The following LCN12 variants were observed in gnomAD, a reference collection of about 807,000 sequenced individuals.
LCN12 encodes the protein epididymal-specific lipocalin-12.
A neutral mutation model predicts 23.7 loss-of-function variants in LCN12; 15 were observed. That is an observed-to-expected ratio of 0.63 (90% confidence interval 0.42 to 0.97). The LOEUF is 0.97. LCN12 is among the 50% of genes least tolerant of loss of function. The pLI is 0.00. For missense variants in LCN12, 219 were observed against 249.6 expected (o/e 0.88, Z 0.83); for synonymous variants, 116 against 111.5 (o/e 1.04, Z -0.25).
In LCN12 at chr9:136,952,327, G is replaced by A. The variant is rs749414920; in HGVS notation, c.-1G>A. 6.9e-6 allele frequency: 11 copies of A among 1,605,706 alleles called. No homozygotes were observed. The South Asian group carries it at 1.1e-4, about 16-fold the overall frequency. On this transcript the variant is annotated 5_prime_UTR_variant, in exon 1 of 6. Transcript: ENST00000371633. Reference sequence around the variant, plus strand: ...TCCCTGTGGGCCCAGCAGCTGCCAGGATGAGGCTGCTGTGTGGCCTGTGGC... The same window carrying A: ...TCCCTGTGGGCCCAGCAGCTGCCAGAATGAGGCTGCTGTGTGGCCTGTGGC...
chr9:136,954,198 T>C lies in LCN12; in HGVS notation c.493T>C (p.Cys165Arg), dbSNP rs1297621938. 5.1e-6 allele frequency: 8 copies of C among 1,576,394 alleles called. No homozygotes were observed. The highest frequency in any genetic ancestry group is 6.0e-6 in the Non-Finnish European group (7 of 1,160,524). ...TCCCGGGACGCTGGACCAGTTCATC[T>C]GCCTGGGCAGAGCTCAGGGCCTCTC... ...LPPGTLDQFI[C>R]LGRAQGLSDD... Residue 165 changes from cysteine to arginine, a missense_variant, in exon 5 of 6, where the codon TGC becomes CGC. By Grantham distance (180) the Cys-to-Arg change is radical. Transcript: ENST00000371633.
chr9:136,954,572 C>T (rs1564448813), intron 5 of LCN12: 3 of 503,138 alleles, frequency 6.0e-6, no homozygotes, highest in South Asian at 1.8e-5. Context: ...TGTCCCGGCC[C>T]ACCTCCTCCC....
Position 136,952,643 on chromosome 9 carries a change from C to T in LCN12, c.114+202C>T, listed in dbSNP as rs528062947. ...CACCCATTCCCTGCCGTCAGCCCAG[C>T]CCATCGCTCCCTCTGTGCGTGAGGG... On this transcript the variant is annotated intron_variant, in intron 1 of 5. Coordinates refer to ENST00000371633, the MANE Select transcript of LCN12 (RefSeq NM_178536.4). The T allele has an allele frequency of 2.2e-3, 1,351 of 626,828 alleles. 3 individuals carry two copies. The highest frequency in any genetic ancestry group is 3.1e-3 in the Non-Finnish European group (1,122 of 360,960). The allele number at this position is 626,828 out of a possible 1,614,324, so 38.8% of individuals were successfully genotyped here.
At chr9:136,955,024 G>A (rs967915916) in intron 5 of LCN12, 49 of 1,377,174 alleles carry the variant, frequency 3.6e-5, no homozygotes, top group African/African-American at 8.8e-5. Flanking sequence ...CTGTCTACCC[G>A]TGCACAGGCA....
rs1188974405 is a variant in LCN12 at position 136,954,992 on chromosome 9, G to A, written c.551-379G>A. On this transcript the variant is annotated intron_variant, in intron 5 of 5. Transcript: ENST00000371633. ...CATGCGAACACCCACTTACACACAC[G>A]CCACTCACACTGGCACACATGCTGT... 3.0e-5 allele frequency: 40 copies of A among 1,332,838 alleles called. No individual in the cohort carries two copies. The East Asian group carries it at 5.6e-4, about 19-fold the overall frequency. The allele number at this position is 1,332,838 out of a possible 1,614,324, so 82.6% of individuals were successfully genotyped here. A position where few individuals can be genotyped will look rare whatever the true frequency, so the allele number is the denominator to read the frequency against.
upstream of LCN12, among the ~76,000 whole-genome samples, chr9:136,952,096 C>G (rs1851166284): frequency 6.7e-6 from 1 of 148,176 alleles, no homozygotes; most frequent in East Asian, 1.9e-4. Flanking sequence ...CCCTCCTACC[C>G]CACCTGGCTG....
At chr9:136,956,509 G>T (rs1851319672), downstream of LCN12, among the ~76,000 whole-genome samples, 1 of 152,228 alleles carries the variant, frequency 6.6e-6, no homozygotes, top group Non-Finnish European at 1.5e-5. Flanking sequence ...AACGACACCA[G>T]CTGTGGTGCT....
chr9:136,949,786 G>C (rs1479359577), upstream of LCN12: 1 of 152,384 alleles, frequency 6.6e-6, no homozygotes, highest in East Asian at 1.9e-4. Flanking sequence ...CAATGGGAGA[G>C]GCCCCAGGGA....
chr9:136,954,820 G>A (rs1042316030), intron 5 of LCN12: 4 of 1,282,698 alleles, frequency 3.1e-6, no homozygotes, highest in Non-Finnish European at 4.1e-6. Flanking sequence ...TCTTGTGGGA[G>A]GGCGAGGTCA....
intron 2 of LCN12, 135 bp from the exon 3 acceptor site, chr9:136,953,565 A>T: frequency 1.6e-6 from 1 of 616,982 alleles, no homozygotes; most frequent in South Asian, 2.0e-5. Flanking sequence ...GTTAGACACC[A>T]TCTCCACTCA....
upstream of LCN12, among the ~76,000 whole-genome samples, chr9:136,950,172 C>T (rs1851115826): frequency 1.3e-5 from 2 of 152,184 alleles, no homozygotes; most frequent in African/African-American, 4.8e-5. Context: ...TCACGTTAGA[C>T]GGGAGGAGCA....
At chr9:136,956,051 C>T (rs893585929), downstream of LCN12, among the ~76,000 whole-genome samples, 1 of 152,156 alleles carries the variant, frequency 6.6e-6, no homozygotes, top group Non-Finnish European at 1.5e-5. Context: ...CAGACACCCA[C>T]TCCCAGCCTG....
downstream of LCN12, among the ~76,000 whole-genome samples, chr9:136,955,715 C>A (rs1370254829): frequency 6.6e-6 from 1 of 152,234 alleles, no homozygotes; most frequent in African/African-American, 2.4e-5. Flanking sequence ...CAAGGTCGTT[C>A]CCAGGCCAAG....
upstream of LCN12, among the ~76,000 whole-genome samples, chr9:136,951,049 C>G (rs548297018): frequency 7.8e-5 from 11 of 141,758 alleles, no homozygotes; most frequent in South Asian, 2.7e-3. Flanking sequence ...GCTCACAGGC[C>G]AGGCACACGG....
At chr9:136,954,569 G>A (rs1268106921) in intron 5 of LCN12, 1 of 394,900 alleles carries the variant, frequency 2.5e-6, no homozygotes, top group South Asian at 2.0e-5. Flanking sequence ...CCCTGTCCCG[G>A]CCCACCTCCT....
intron 5 of LCN12, chr9:136,954,590 G>A (rs1364382489): frequency 2.3e-5 from 13 of 557,044 alleles, no homozygotes; most frequent in South Asian, 2.1e-4. Flanking sequence ...CCCACCCCGG[G>A]TCTCCTGTCC....
At chr9:136,953,219 T>C (rs1051583316) in intron 2 of LCN12, 191 bp downstream of exon 2, 76 of 728,412 alleles carry the variant, frequency 1.0e-4, no homozygotes, top group Non-Finnish European at 1.5e-4. Flanking sequence ...GGCTCACACC[T>C]GTAATCCTAG....
chr9:136,954,915 T>G (rs1851286913), intron 5 of LCN12: 2 of 1,230,462 alleles, frequency 1.6e-6, no homozygotes, highest in African/African-American at 3.1e-5. Flanking sequence ...CATAACCACA[T>G]GCACACACAC....
chr9:136,950,082 A>C (rs553910084), upstream of LCN12, among the ~76,000 whole-genome samples: 1 of 151,644 alleles, frequency 6.6e-6, no homozygotes, highest in South Asian at 2.1e-4. Context: ...GGCCCGTTCC[A>C]GCGCCGCCGG....
Sources: allele counts gnomAD v4.1 joint callset (sites outside exome capture counted in the v4.1 genomes callset), GRCh38; gene constraint gnomAD v4.1.1; transcripts MANE v1.5; gene names NCBI Gene and HGNC (gene_info 2026-07-23, HGNC 2026-07-21).